The following VTI1A variants were observed in gnomAD, a reference collection of about 807,000 sequenced individuals.
The protein encoded by VTI1A is vesicle transport through interaction with t-SNAREs homolog 1A.
In VTI1A, 22 loss-of-function variants were observed where a neutral mutation model predicts 34.9. That is an observed-to-expected ratio of 0.63 (90% CI 0.45 to 0.90). VTI1A has a LOEUF of 0.90. VTI1A is among the 40% of genes least tolerant of loss of function. VTI1A has a pLI of 0.00. For missense variants in VTI1A, 268 were observed against 275.6 expected (o/e 0.97, Z 0.20); for synonymous variants, 87 against 97.3 (o/e 0.89, Z 0.62).
At chr10:112,561,014 T>C (rs1208883858) in intron 5 of VTI1A, among the ~76,000 whole-genome samples, 1 of 152,186 alleles carries the variant, frequency 6.6e-6, no homozygotes, top group Non-Finnish European at 1.5e-5. Context: ...ATTTTAGAAT[T>C]AATCTTTGTC....
At chr10:112,786,654 G>A (rs1445822361) in intron 7 of VTI1A, among the ~76,000 whole-genome samples, 1 of 152,136 alleles carries the variant, frequency 6.6e-6, no homozygotes, top group East Asian at 1.9e-4. Context: ...ATGAGTAGGT[G>A]TTACATTTTG....
intron 3 of VTI1A, among the ~76,000 whole-genome samples, chr10:112,492,643 T>C (rs181710993): frequency 6.6e-6 from 1 of 152,072 alleles, no homozygotes; most frequent in East Asian, 1.9e-4. Flanking sequence ...AAAAATTAGC[T>C]GGGCATGGTG....
At chr10:112,852,549 G>T in the VTI1A span, among the ~76,000 whole-genome samples, 15 of 152,248 alleles carry the variant, frequency 9.9e-5, no homozygotes, top group Non-Finnish European at 1.6e-4. Context: ...AGGCTCCTGA[G>T]GTGGGGGTTG....
intron 5 of VTI1A, among the ~76,000 whole-genome samples, chr10:112,614,506 C>T (rs898971475): frequency 1.3e-5 from 2 of 152,094 alleles, no homozygotes; most frequent in African/African-American, 2.4e-5. Context: ...CCAACTTAGT[C>T]TCTTATAAGA....
intron 5 of VTI1A, among the ~76,000 whole-genome samples, chr10:112,616,407 C>T (rs1186095509): frequency 6.6e-6 from 1 of 152,124 alleles, no homozygotes; most frequent in Non-Finnish European, 1.5e-5. Flanking sequence ...TTAAAATAGT[C>T]CTAGGTAAAT....
At chr10:112,677,918 G>C (rs1848087927) in intron 7 of VTI1A, 1 of 152,178 alleles carries the variant, frequency 6.6e-6, no homozygotes, top group African/African-American at 2.4e-5. Context: ...CTCACATTTG[G>C]CTCACGGCCA....
rs199652153 is a variant in VTI1A, at chr10:112,668,955, A to C, written c.517A>C (p.Asn173His). 2 of 1,612,480 alleles carry C rather than the reference A, an allele frequency of 1.2e-6. No individual in the cohort carries two copies. The highest frequency in any genetic ancestry group is 1.7e-6 in the Non-Finnish European group (2 of 1,178,762). The stretch of plus-strand genomic sequence containing the variant: ...CTTGTAGCTTCGGGAAACAGATGCT[A>C]ATTTGGGAAAAAGCTCCAGGATTCT... ...ARERLRETDA[N>H]LGKSSRILTG... Residue 173 changes from asparagine (N) to histidine (H), a missense_variant, in exon 7 of 8, where the codon AAT becomes CAT. Transcript: ENST00000393077.
At chr10:112,664,197 T>C (rs777642727) in intron 5 of VTI1A, among the ~76,000 whole-genome samples, 48 of 152,134 alleles carry the variant, frequency 3.2e-4, no homozygotes, top group Non-Finnish European at 6.3e-4. Context: ...TTCTGGAGAG[T>C]GTCCTGCATA....
At chr10:112,481,653 A>C (rs1025938333) in intron 3 of VTI1A, among the ~76,000 whole-genome samples, 1 of 152,244 alleles carries the variant, frequency 6.6e-6, no homozygotes, top group Non-Finnish European at 1.5e-5. Flanking sequence ...TTTGTACAAG[A>C]ATTGTCAAGA....
At chr10:112,778,931 G>A (rs547817600) in intron 7 of VTI1A, among the ~76,000 whole-genome samples, 1 of 152,084 alleles carries the variant, frequency 6.6e-6, no homozygotes. Context: ...AAATATGCAG[G>A]AGAAGTTCAG....
chr10:112,695,903 T>A (rs866805977), intron 7 of VTI1A, among the ~76,000 whole-genome samples: 10 of 152,184 alleles, frequency 6.6e-5, no homozygotes, highest in Admixed American at 2.6e-4. Context: ...TTTCCCGTCC[T>A]CTGAAAAGTT....
At chr10:112,618,994 G>A (rs779360704) in intron 5 of VTI1A, among the ~76,000 whole-genome samples, 2 of 151,246 alleles carry the variant, frequency 1.3e-5, no homozygotes, top group Non-Finnish European at 2.9e-5. Flanking sequence ...ACAAGATGAT[G>A]TCTGGGAGAA....
chr10:112,641,191 T>G (rs1020994139), intron 5 of VTI1A, among the ~76,000 whole-genome samples: 56 of 152,244 alleles, frequency 3.7e-4, no homozygotes, highest in African/African-American at 1.3e-3. Context: ...AGCTGTCAGT[T>G]GGGCACTTCA....
chr10:112,725,419 C>T (rs1254517538), intron 7 of VTI1A, among the ~76,000 whole-genome samples: 1 of 152,164 alleles, frequency 6.6e-6, no homozygotes, highest in Non-Finnish European at 1.5e-5. Flanking sequence ...TCAACTGTAT[C>T]ACATCAGGAG....
At chr10:112,792,767 G>A (rs1852530251) in intron 7 of VTI1A, among the ~76,000 whole-genome samples, 1 of 152,186 alleles carries the variant, frequency 6.6e-6, no homozygotes, top group African/African-American at 2.4e-5. Context: ...GGTGGGGACT[G>A]TATTTAGAAA....
chr10:112,501,135 T>C (rs1405565078), intron 3 of VTI1A, among the ~76,000 whole-genome samples: 1 of 152,194 alleles, frequency 6.6e-6, no homozygotes, highest in Non-Finnish European at 1.5e-5. Context: ...ACTAACACAA[T>C]GTCTGGCATA....
chr10:112,843,221 C>A, the VTI1A span, among the ~76,000 whole-genome samples: 9 of 152,356 alleles, frequency 5.9e-5, no homozygotes, highest in African/African-American at 2.2e-4. Flanking sequence ...GAAAGGGATT[C>A]TGGGAAATGC....
intron 7 of VTI1A, among the ~76,000 whole-genome samples, chr10:112,733,944 G>T (rs1317084460): frequency 1.3e-5 from 2 of 151,820 alleles, no homozygotes; most frequent in African/African-American, 4.8e-5. Flanking sequence ...TAGAGACAGG[G>T]TTTCACCATG....
In VTI1A at chr10:112,725,976, C is replaced by T. The variant is rs145747990; in HGVS notation, c.560+56978C>T. On this transcript the variant is annotated intron_variant, in intron 7 of 7. Transcript: ENST00000393077. ...GCTCCTGGCCCAAACCTGGAAGCAA[C>T]TATTTTTACAAGGAATCCTGATTCC... 6.9e-4 allele frequency among the ~76,000 whole-genome samples: 105 copies of T among 152,318 alleles called. No homozygotes were observed. In the East Asian group the frequency reaches 0.019, roughly 28 times the overall value.
Sources: gnomAD v4.1 joint callset for allele counts (sites outside exome capture counted in the v4.1 genomes callset) on GRCh38, gnomAD v4.1.1 for gene constraint, MANE v1.5 for transcripts, NCBI Gene and HGNC (gene_info 2026-07-23, HGNC 2026-07-21) for gene names.